ROR1: variants seen among roughly 807,000 people sequenced by gnomAD.
ROR1 encodes inactive tyrosine-protein kinase transmembrane receptor ROR1.
A neutral mutation model predicts 78.8 loss-of-function variants in ROR1; 19 were observed. That is an observed-to-expected ratio of 0.24 (90% CI 0.17 to 0.35). ROR1 has a LOEUF of 0.35. Among genes scored for constraint, ROR1 ranks in the 10% least tolerant of loss-of-function variants. ROR1 has a pLI of 1.00. For synonymous variants in ROR1, 386 were observed against 433.6 expected (o/e 0.89, Z 1.36); for missense variants, 917 against 1,177.8 (o/e 0.78, Z 3.24).
chr1:64,031,822 G>A (rs1646662184), intron 2 of ROR1, among the ~76,000 whole-genome samples: 3 of 152,090 alleles, frequency 2.0e-5, no homozygotes, highest in African/African-American at 7.2e-5. Flanking sequence ...GCATAGCCTT[G>A]AATTTGAACA....
chr1:63,850,483 G>T (rs1336791758), intron 1 of ROR1, among the ~76,000 whole-genome samples: 1 of 152,212 alleles, frequency 6.6e-6, no homozygotes, highest in Non-Finnish European at 1.5e-5. Flanking sequence ...CCTTCCTACA[G>T]GATATAAGTT....
At chr1:63,784,910 G>A (rs1024945575) in intron 1 of ROR1, among the ~76,000 whole-genome samples, 1 of 152,228 alleles carries the variant, frequency 6.6e-6, no homozygotes, top group Non-Finnish European at 1.5e-5. Flanking sequence ...TCAGCGCCTT[G>A]TTAGGCATGA....
intron 1 of ROR1, among the ~76,000 whole-genome samples, chr1:63,938,688 T>C (rs1645812612): frequency 6.6e-6 from 1 of 152,222 alleles, no homozygotes; most frequent in African/African-American, 2.4e-5. Flanking sequence ...AATTTTTTTG[T>C]TTTAATTTTT....
chr1:63,779,211 A>C (rs1217350624), intron 1 of ROR1, among the ~76,000 whole-genome samples: 1 of 152,158 alleles, frequency 6.6e-6, no homozygotes, highest in Non-Finnish European at 1.5e-5. Flanking sequence ...TCCAACTATC[A>C]ATAAGCTATA....
At chr1:64,135,372 G>A (rs891855957) in intron 4 of ROR1, among the ~76,000 whole-genome samples, 2 of 152,058 alleles carry the variant, frequency 1.3e-5, no homozygotes, top group Non-Finnish European at 2.9e-5. Context: ...GTAATTCCAG[G>A]GTTTTGTCCT....
At chr1:63,923,526 G>A (rs1167915536) in intron 1 of ROR1, among the ~76,000 whole-genome samples, 2 of 151,780 alleles carry the variant, frequency 1.3e-5, no homozygotes, top group Non-Finnish European at 2.9e-5. Flanking sequence ...TCTCCTCTCA[G>A]AAGTCATCAC....
intron 1 of ROR1, among the ~76,000 whole-genome samples, chr1:63,942,662 C>G (rs1221525503): frequency 6.6e-6 from 1 of 152,036 alleles, no homozygotes; most frequent in African/African-American, 2.4e-5. Flanking sequence ...GCAGCAGATA[C>G]CAGTATGTGA....
At position 64,006,719 on chromosome 1, in the gene ROR1, G is replaced by A. The variant is rs191376968; in HGVS notation, c.92-2586G>A. ...CTATTTTTGGCTCAGGACGTTGGAG[G>A]AAACCAGGGCCACTGTAGGTGGGGA... On this transcript the variant is annotated intron_variant, in intron 1 of 8. Coordinates refer to ENST00000371079, the MANE Select transcript of ROR1 (RefSeq NM_005012.4). 7.7e-4 allele frequency among the ~76,000 whole-genome samples: 117 copies of A among 152,298 alleles called. 1 individual carries two copies. Among genetic ancestry groups the A allele is most frequent in the Non-Finnish European group, 3.2e-4 (22 of 68,036 alleles).
chr1:64,068,632 A>G (rs6661774), intron 4 of ROR1, among the ~76,000 whole-genome samples: 23,875 of 152,212 alleles, frequency 0.16, 2,786 homozygotes, highest in African/African-American at 0.33. Flanking sequence ...TTCAGTTTGT[A>G]TCACAAAGTA....
chr1:63,963,022 G>A lies in ROR1; in HGVS notation c.92-46283G>A, dbSNP rs771293774. On this transcript the variant is annotated intron_variant, in intron 1 of 8. Transcript: ENST00000371079. ...AAGTATTAGGACTTCCTTCTTGTTC[G>A]GGTTGGTTGACTAGATAGACGATAG... Among the ~76,000 whole-genome samples, 36 of 152,082 alleles carry A rather than the reference G, an allele frequency of 2.4e-4. 1 individual carries two copies. Among genetic ancestry groups the A allele is most frequent in the Non-Finnish European group, 7.4e-5 (5 of 67,996 alleles).
At chr1:64,109,756 G>A (rs374136428) in intron 4 of ROR1, among the ~76,000 whole-genome samples, 4 of 152,130 alleles carry the variant, frequency 2.6e-5, no homozygotes, top group Admixed American at 1.3e-4. Context: ...TCTCAAACTC[G>A]TGGGCTCAAG....
At chr1:63,877,798 A>G (rs943296048) in intron 1 of ROR1, among the ~76,000 whole-genome samples, 1 of 152,060 alleles carries the variant, frequency 6.6e-6, no homozygotes, top group Non-Finnish European at 1.5e-5. Context: ...TTTGGGGGGG[A>G]AACAGTGAAT....
Position 64,049,683 on chromosome 1 carries a change from G to T in ROR1, c.164-8G>T, listed in dbSNP as rs201785225. On this transcript the variant is annotated splice_polypyrimidine_tract_variant and splice_region_variant and intron_variant, in intron 2 of 8. Coordinates refer to ENST00000371079, the MANE Select transcript of ROR1 (RefSeq NM_005012.4). ...CCCCTCTCACCTGCCTCCTCTCTGTGCTCACAGATTCTTACCTGACCCTCG... is the reference window on the plus strand; with the variant it reads ...CCCCTCTCACCTGCCTCCTCTCTGTTCTCACAGATTCTTACCTGACCCTCG... The T allele has an allele frequency of 3.7e-4, 588 of 1,610,714 alleles. 1 individual carries two copies. The highest frequency in any genetic ancestry group is 1.5e-3 in the Middle Eastern group (9 of 6,048).
At chr1:63,976,806 A>C (rs954616157) in intron 1 of ROR1, among the ~76,000 whole-genome samples, 4 of 152,200 alleles carry the variant, frequency 2.6e-5, no homozygotes, top group African/African-American at 9.6e-5. Context: ...GAATATTTGC[A>C]TATATATGGT....
chr1:64,177,329 A>G (rs1650409264), intron 8 of ROR1, 99 bp from the exon 9 acceptor site: 4 of 886,106 alleles, frequency 4.5e-6, no homozygotes, highest in Non-Finnish European at 7.1e-6. Context: ...GAATTTGTTT[A>G]TAGAACCTTT....
At chr1:63,957,613 G>A (rs908440719) in intron 1 of ROR1, among the ~76,000 whole-genome samples, 16 of 152,144 alleles carry the variant, frequency 1.1e-4, no homozygotes, top group African/African-American at 3.9e-4. Context: ...TTCAAAACAT[G>A]ATCTCCACTG....
chr1:63,783,119 G>A (rs1644663302), intron 1 of ROR1, among the ~76,000 whole-genome samples: 1 of 152,114 alleles, frequency 6.6e-6, no homozygotes, highest in South Asian at 2.1e-4. Context: ...CCTTCACTGT[G>A]GAATGAAGCT....
intron 4 of ROR1, among the ~76,000 whole-genome samples, chr1:64,059,274 A>G (rs986948872): frequency 7.9e-5 from 12 of 152,120 alleles, no homozygotes; most frequent in Non-Finnish European, 2.9e-5. Context: ...AAAACTGGAT[A>G]TTGAAATAGA....
intron 1 of ROR1, among the ~76,000 whole-genome samples, chr1:63,898,447 G>T (rs933372441): frequency 1.3e-5 from 2 of 150,292 alleles, no homozygotes; most frequent in Non-Finnish European, 3.0e-5. Context: ...CTATAATAAA[G>T]ATCTGCAAAG....
Sources: allele counts gnomAD v4.1 joint callset (sites outside exome capture counted in the v4.1 genomes callset), GRCh38; gene constraint gnomAD v4.1.1; transcripts MANE v1.5; gene names NCBI Gene and HGNC (gene_info 2026-07-23, HGNC 2026-07-21).